Variants in BPNT1 observed in about 807,000 individuals in gnomAD.
The protein encoded by BPNT1 is 3'(2'),5'-bisphosphate nucleotidase 1.
Under a neutral mutation model 36.9 loss-of-function variants are expected in BPNT1, and 28 were observed. The observed-to-expected ratio is 0.76, with a 90% confidence interval of 0.56 to 1.04. The LOEUF (loss-of-function observed/expected upper bound fraction) is 1.04, where lower values mean the gene tolerates loss of function less well. BPNT1 is among the 50% of genes least tolerant of loss of function. BPNT1 has a pLI of 0.00. For synonymous variants in BPNT1, 119 were observed against 130.9 expected (o/e 0.91, Z 0.62); for missense variants, 313 against 372.9 (o/e 0.84, Z 1.32).
intron 2 of BPNT1, among the ~76,000 whole-genome samples, chr1:220,078,915 G>T (rs998452205): frequency 6.6e-6 from 1 of 151,958 alleles, no homozygotes; most frequent in Non-Finnish European, 1.5e-5. Context: ...GCTTTAAACT[G>T]GAACACAAAC....
Position 220,061,841 on chromosome 1 carries a change from A to T in BPNT1, c.672+916T>A, listed in dbSNP as rs941584571. Among the ~76,000 whole-genome samples, 5 of 152,260 alleles carry T rather than the reference A, an allele frequency of 3.3e-5. 1 individual carries two copies. The highest frequency in any genetic ancestry group is 4.1e-4 in the South Asian group (2 of 4,830). Reference sequence around the variant, plus strand: ...AGGGATGTAGATCAAATTGTGTCCCATTTCATAATTCTCTCAGCAGGTTGG... The same window carrying T: ...AGGGATGTAGATCAAATTGTGTCCCTTTTCATAATTCTCTCAGCAGGTTGG... On this transcript the variant is annotated intron_variant, in intron 7 of 8. Transcript: ENST00000322067.
chr1:220,061,170 CA>C (rs1467667429), intron 7 of BPNT1, among the ~76,000 whole-genome samples: 1 of 152,128 alleles, frequency 6.6e-6, no homozygotes, highest in African/African-American at 2.4e-5. Flanking sequence ...TTTTTCCCCA[CA>C]AAGAACAGCT....
chr1:220,087,980 C>G (rs200670027), intron 1 of BPNT1, among the ~76,000 whole-genome samples: 1 of 151,932 alleles, frequency 6.6e-6, no homozygotes, highest in African/African-American at 2.4e-5. Flanking sequence ...CGGGTTTAAG[C>G]GATTCTCCTG....
intron 1 of BPNT1, 171 bp downstream of exon 1, chr1:220,089,515 T>G (rs1322572943): frequency 2.0e-5 from 3 of 152,184 alleles, no homozygotes; most frequent in Non-Finnish European, 4.4e-5. Context: ...ATCACGAAAA[T>G]AAAAGCACAG....
chr1:220,069,846 G>C (rs1663890481), intron 4 of BPNT1, among the ~76,000 whole-genome samples: 1 of 151,946 alleles, frequency 6.6e-6, no homozygotes, highest in African/African-American at 2.4e-5. Flanking sequence ...TGAGGCAGGA[G>C]AATCACTTGA....
Position 220,079,824 on chromosome 1 carries a change from AAC to A in BPNT1, c.21_22del (p.Leu8AspfsTer24). ...ATATGCGGAGGCTACCAACCGCATC[AAC>A]ACAGTGTTACTGGAAGCCATGGTAC... On this transcript the variant is annotated frameshift_variant, in exon 2 of 9. Coordinates refer to ENST00000322067, the MANE Select transcript of BPNT1 (RefSeq NM_006085.6). LOFTEE classifies it high-confidence loss of function. 6.2e-7 allele frequency: 1 copy of A among 1,613,676 alleles called. No individual in the cohort carries two copies. Among genetic ancestry groups the A allele is most frequent in the East Asian group, 2.2e-5 (1 of 44,826 alleles).
At chr1:220,069,702 G>A (rs1299850801) in intron 4 of BPNT1, among the ~76,000 whole-genome samples, 4 of 152,220 alleles carry the variant, frequency 2.6e-5, no homozygotes, top group South Asian at 2.1e-4. Context: ...TTGAGAGGCC[G>A]AGGCGGGTGG....
intron 1 of BPNT1, among the ~76,000 whole-genome samples, chr1:220,085,042 T>G (rs1053668072): frequency 1.3e-5 from 2 of 151,904 alleles, no homozygotes; most frequent in East Asian, 3.9e-4. Context: ...AACTATTTTT[T>G]AAACAGATGA....
rs1158279782 is a variant in BPNT1 at position 220,078,413 on chromosome 1, TATA to T, written c.120+1311_120+1313del. Reference sequence around the variant, plus strand: ...TTATAATTATATATAAATAATAATTTATAATAATAAATAATAATTATATATAAT... The same window carrying T: ...TTATAATTATATATAAATAATAATTTATAATAAATAATAATTATATATAAT... On this transcript the variant is annotated intron_variant, in intron 2 of 8. Coordinates refer to ENST00000322067, the MANE Select transcript of BPNT1 (RefSeq NM_006085.6). 1.5e-4 allele frequency among the ~76,000 whole-genome samples: 22 copies of T among 142,470 alleles called. No homozygotes were observed. In the East Asian group the frequency reaches 2.4e-3, roughly 15 times the overall value. 93.5% of individuals were successfully genotyped at this position (142,470 alleles called of 152,430 possible).
At chr1:220,084,133 C>T (rs932479792) in intron 1 of BPNT1, among the ~76,000 whole-genome samples, 2 of 151,982 alleles carry the variant, frequency 1.3e-5, no homozygotes, top group African/African-American at 4.8e-5. Flanking sequence ...GAGATCGAGA[C>T]CATCCTGGCT....
chr1:220,060,491 C>T (rs1249719155), intron 7 of BPNT1, among the ~76,000 whole-genome samples: 1 of 151,714 alleles, frequency 6.6e-6, no homozygotes, highest in East Asian at 1.9e-4. Flanking sequence ...AACAAAAGCA[C>T]TCCCCTCAAA....
At chr1:220,083,112 C>T (rs1030828502) in intron 1 of BPNT1, among the ~76,000 whole-genome samples, 2 of 151,160 alleles carry the variant, frequency 1.3e-5, no homozygotes, top group African/African-American at 4.9e-5. Context: ...TGGCATGCAC[C>T]TGTAATCCCA....
At chr1:220,087,967 TC>T (rs954385030) in intron 1 of BPNT1, among the ~76,000 whole-genome samples, 70 of 152,174 alleles carry the variant, frequency 4.6e-4, no homozygotes, top group African/African-American at 1.6e-3. Flanking sequence ...AACCTCTGCC[TC>T]CCGGGTTTAA....
intron 5 of BPNT1, among the ~76,000 whole-genome samples, chr1:220,067,849 G>A (rs1431088380): frequency 6.6e-6 from 1 of 152,190 alleles, no homozygotes; most frequent in Non-Finnish European, 1.5e-5. Context: ...TTATAATACA[G>A]ATCTTCTCAG....
chr1:220,063,373 A>G (rs1412083387), intron 6 of BPNT1, among the ~76,000 whole-genome samples: 1 of 152,280 alleles, frequency 6.6e-6, no homozygotes, highest in South Asian at 2.1e-4. Flanking sequence ...GTTATAAAGT[A>G]CAAGAACAAT....
chr1:220,079,725 A>T lies in BPNT1; in HGVS notation c.120+2T>A. 2 of 1,613,950 alleles carry T rather than the reference A, an allele frequency of 1.2e-6. No homozygotes were observed. Among genetic ancestry groups the T allele is most frequent in the South Asian group, 2.2e-5 (2 of 91,004 alleles). ...TATGAAATGATATGAGAGTTTGAGT[A>T]CCTTCTCCACAATACCCAGGTCTCC... is the stretch of plus-strand genomic sequence containing the variant. On this transcript the variant is annotated splice_donor_variant, in intron 2 of 8. Transcript: ENST00000322067. LOFTEE classifies it high-confidence loss of function.
At chr1:220,078,779 G>A (rs1664839134) in intron 2 of BPNT1, among the ~76,000 whole-genome samples, 1 of 151,646 alleles carries the variant, frequency 6.6e-6, no homozygotes, top group South Asian at 2.1e-4. Flanking sequence ...TGTATTTTTA[G>A]TGGAGATGGG....
chr1:220,074,251 T>C (rs1664343736), intron 2 of BPNT1, among the ~76,000 whole-genome samples, 180 bp from the exon 3 acceptor site: 1 of 152,220 alleles, frequency 6.6e-6, no homozygotes, highest in South Asian at 2.1e-4. Flanking sequence ...TAATAGTGGG[T>C]AAAGTTTGGA....
chr1:220,087,065 A>AG (rs1655805304), intron 1 of BPNT1, among the ~76,000 whole-genome samples: 1 of 151,112 alleles, frequency 6.6e-6, no homozygotes. Flanking sequence ...AAAAAAAAAA[A>AG]GTTGAGTCCT....
Sources: gnomAD v4.1 joint callset for allele counts (sites outside exome capture counted in the v4.1 genomes callset) on GRCh38, gnomAD v4.1.1 for gene constraint, MANE v1.5 for transcripts, NCBI Gene and HGNC (gene_info 2026-07-23, HGNC 2026-07-21) for gene names.